EVC: variants seen among roughly 807,000 people sequenced by gnomAD.
EVC encodes the protein EvC ciliary complex subunit 1.
Under a neutral mutation model 118.9 loss-of-function variants are expected in EVC, and 116 were observed. The ratio of observed to expected loss-of-function variants is 0.98; its 90% CI spans 0.84 to 1.14. EVC has a LOEUF of 1.14. Ranked by LOEUF, EVC falls within the 50% of genes most tolerant of loss-of-function variation. The pLI is 0.00. For missense variants in EVC, 1,401 were observed against 1,246.4 expected (o/e 1.12, Z -1.87); for synonymous variants, 619 against 534.7 (o/e 1.16, Z -2.18).
intron 20 of EVC, 127 bp from the exon 21 acceptor site, chr4:5,810,826 T>C: frequency 1.1e-6 from 1 of 904,370 alleles, no homozygotes; most frequent in Non-Finnish European, 1.8e-6. Context: ...TAACAACCCA[T>C]GTCAAAGTAA....
intron 11 of EVC, among the ~76,000 whole-genome samples, chr4:5,771,753 G>A (rs1237277968): frequency 6.6e-6 from 1 of 152,148 alleles, no homozygotes; most frequent in African/African-American, 2.4e-5. Flanking sequence ...CAGAGTGCAA[G>A]GCAGTTTCCA....
At chr4:5,803,632 A>G (rs1715377632) in intron 16 of EVC, among the ~76,000 whole-genome samples, 1 of 152,186 alleles carries the variant, frequency 6.6e-6, no homozygotes, top group Non-Finnish European at 1.5e-5. Flanking sequence ...CAGTAAACAC[A>G]TTGAAATGAT....
chr4:5,719,389 A>T lies in EVC; in HGVS notation c.300+16A>T. ...AGCTGTTGATGTAAGCTTGGTGTTG[A>T]TGTTTGTTTGTGGAGGCACATGTGG... On this transcript the variant is annotated intron_variant, in intron 2 of 20. Transcript: ENST00000264956. The surrounding 1 kb of genome is among the most constrained non-coding windows in gnomAD (Gnocchi z 4.7). 6.2e-7 allele frequency: 1 copy of T among 1,614,024 alleles called. No individual in the cohort carries two copies. Among genetic ancestry groups the T allele is most frequent in the African/African-American group, 1.3e-5 (1 of 75,024 alleles).
chr4:5,735,728 C>A (rs947578538), intron 5 of EVC, among the ~76,000 whole-genome samples: 1 of 152,104 alleles, frequency 6.6e-6, no homozygotes, highest in African/African-American at 2.4e-5. Flanking sequence ...CAGAATCAGA[C>A]CTGGACAAGG....
rs1013815386 is a variant in EVC at position 5,743,030 on chromosome 4, A to G, written c.801+1216A>G. On this transcript the variant is annotated intron_variant, in intron 6 of 20. Transcript: ENST00000264956. This position sits in a 1 kb window ranked among gnomAD's most constrained non-coding sequence, Gnocchi z 4.7. ...CAAATGAAAGGGCAGTTCATTGCAA[A>G]TTGAGGGACAGGTTATTTAGAACTT... Among the ~76,000 whole-genome samples, 3 of 152,218 alleles carry G rather than the reference A, an allele frequency of 2.0e-5. No homozygotes were observed. The highest frequency in any genetic ancestry group is 4.4e-5 in the Non-Finnish European group (3 of 68,046).
chr4:5,799,365 C>A (rs1219917064), intron 15 of EVC, among the ~76,000 whole-genome samples: 1 of 152,216 alleles, frequency 6.6e-6, no homozygotes, highest in African/African-American at 2.4e-5. Flanking sequence ...TAACTAAGTG[C>A]TTCTTCCTAC....
chr4:5,824,033 A>T, the EVC span, among the ~76,000 whole-genome samples: 1 of 152,150 alleles, frequency 6.6e-6, no homozygotes, highest in South Asian at 2.1e-4. Flanking sequence ...GAGGACTAAG[A>T]GTGAAACTGA....
chr4:5,739,328 A>G (rs2151980838), intron 5 of EVC, among the ~76,000 whole-genome samples: 1 of 152,294 alleles, frequency 6.6e-6, no homozygotes, highest in Non-Finnish European at 1.5e-5. Flanking sequence ...TTCTCCTTAG[A>G]GCTCATTGTC....
At chr4:5,788,878 C>A (rs1712221227) in intron 12 of EVC, among the ~76,000 whole-genome samples, 1 of 152,160 alleles carries the variant, frequency 6.6e-6, no homozygotes, top group Non-Finnish European at 1.5e-5. Flanking sequence ...CTTAAAACAT[C>A]ATGAGATTTT....
chr4:5,819,117 C>T (rs529687811), downstream of EVC, among the ~76,000 whole-genome samples: 1 of 152,284 alleles, frequency 6.6e-6, no homozygotes, highest in East Asian at 1.9e-4. Flanking sequence ...AACCTTCAGT[C>T]CTACCTTATA....
Position 5,729,363 on chromosome 4 carries a change from C to T in EVC, c.357C>T (p.Val119=). The change falls in exon 3 of 21, where the codon GTC becomes GTT. Residue 119 remains valine, a synonymous_variant. Transcript: ENST00000264956. ...CAGCATTCGCCCTGAAGGCCAAAGT[C>T]ATCTACCCCATCAATCAGAAGTTCC... ...NITAFALKAK[V]IYPINQKFRP... The T allele has an allele frequency of 6.2e-7, 1 of 1,614,130 alleles. No individual in the cohort carries two copies. The highest frequency in any genetic ancestry group is 8.5e-7 in the Non-Finnish European group (1 of 1,180,034).
intron 2 of EVC, among the ~76,000 whole-genome samples, chr4:5,720,009 G>T (rs1177630064): frequency 6.6e-6 from 1 of 152,046 alleles, no homozygotes; most frequent in Non-Finnish European, 1.5e-5. Context: ...CTGGGGGTGG[G>T]GGTGCTGGGC....
At chr4:5,733,141 C>G (rs1727110798) in intron 4 of EVC, among the ~76,000 whole-genome samples, 1 of 152,148 alleles carries the variant, frequency 6.6e-6, no homozygotes, top group African/African-American at 2.4e-5. Flanking sequence ...CTGACACCAA[C>G]TGTTCTCTTA....
At chr4:5,817,725 C>T (rs181056881), downstream of EVC, among the ~76,000 whole-genome samples, 8 of 152,294 alleles carry the variant, frequency 5.3e-5, no homozygotes, top group East Asian at 9.6e-4. Context: ...AGGAGGGTTA[C>T]GCACTTACGT....
rs769614620 is a variant in EVC, at chr4:5,783,714, C to G, written c.1726C>G (p.Arg576Gly). The part of the protein sequence containing the change: ...AWQLGKSNRF[R>G]RQQWKLFQEL... ...GCAGCTGGGGAAGTCAAATCGCTTC[C>G]GGAGGCAGCAGTGGAAACTCTTCCA... is the stretch of plus-strand genomic sequence containing the variant. The change falls in exon 12 of 21, where the codon CGG becomes GGG. Residue 576 changes from arginine (R) to glycine (G), a missense_variant. Coordinates refer to ENST00000264956, the MANE Select transcript of EVC (RefSeq NM_153717.3). 1 of 1,613,956 alleles carries G rather than the reference C, an allele frequency of 6.2e-7. No homozygotes were observed. Among genetic ancestry groups the G allele is most frequent in the Non-Finnish European group, 8.5e-7 (1 of 1,179,904 alleles).
intron 15 of EVC, among the ~76,000 whole-genome samples, chr4:5,799,503 C>T (rs956689197): frequency 1.3e-5 from 2 of 152,190 alleles, no homozygotes; most frequent in African/African-American, 2.4e-5. Flanking sequence ...GTGGCAGCGC[C>T]GGGGCTGCAG....
At chr4:5,794,660 C>T (rs1387057208) in intron 13 of EVC, among the ~76,000 whole-genome samples, 1 of 151,982 alleles carries the variant, frequency 6.6e-6, no homozygotes, top group East Asian at 1.9e-4. Flanking sequence ...ATCTACCCAC[C>T]TCAGCCTTCC....
chr4:5,739,989 T>C (rs1728272985), intron 5 of EVC, among the ~76,000 whole-genome samples: 1 of 151,876 alleles, frequency 6.6e-6, no homozygotes. Context: ...TAAATGACCT[T>C]TGACAAAGAG....
chr4:5,809,403 G>A (rs1429245067), intron 18 of EVC, 115 bp from the exon 19 acceptor site: 10 of 886,510 alleles, frequency 1.1e-5, no homozygotes, highest in East Asian at 4.9e-5. Flanking sequence ...TCCTCCACAC[G>A]GGAGACGTGG....
Sources: allele counts gnomAD v4.1 joint callset (sites outside exome capture counted in the v4.1 genomes callset), GRCh38; gene constraint gnomAD v4.1.1; non-coding constraint Gnocchi (gnomAD v3.1); transcripts MANE v1.5; gene names NCBI Gene and HGNC (gene_info 2026-07-23, HGNC 2026-07-21).